PACRG: variants seen among roughly 807,000 people sequenced by gnomAD.
PACRG encodes parkin coregulated, also known as parkin coregulated gene protein.
In PACRG, 29 loss-of-function variants were observed where a neutral mutation model predicts 29.7. The observed-to-expected ratio is 0.98, with a 90% confidence interval of 0.73 to 1.33. The LOEUF (loss-of-function observed/expected upper bound fraction) is 1.33, where lower values mean the gene tolerates loss of function less well. Ranked by LOEUF, PACRG falls within the 40% of genes most tolerant of loss-of-function variation. The probability of loss-of-function intolerance (pLI) is 0.00; values close to 1 mark genes in which losing one functional copy is unlikely to be tolerated. For missense variants in PACRG, 279 were observed against 316.2 expected, an observed-to-expected ratio of 0.88 and a Z score of 0.89; for synonymous variants, 116 against 118.7, an observed-to-expected ratio of 0.98 and a Z score of 0.15.
chr6:162,927,321 T>C (rs1584775800), intron 2 of PACRG, among the ~76,000 whole-genome samples: 1 of 152,074 alleles, frequency 6.6e-6, no homozygotes, highest in East Asian at 1.9e-4. Flanking sequence ...CAAAGGAATA[T>C]AAATAATTAT....
intron 1 of PACRG, among the ~76,000 whole-genome samples, chr6:162,756,207 C>G (rs1179516037): frequency 6.6e-6 from 1 of 152,100 alleles, no homozygotes; most frequent in Non-Finnish European, 1.5e-5. Flanking sequence ...TATTGATATT[C>G]TGTTTAGATA....
intron 2 of PACRG, among the ~76,000 whole-genome samples, chr6:162,890,696 G>A (rs550008408): frequency 4.9e-4 from 75 of 152,330 alleles, no homozygotes; most frequent in African/African-American, 1.6e-3. Flanking sequence ...CATAGGAACA[G>A]CATGTGCCCC....
intron 3 of PACRG, among the ~76,000 whole-genome samples, chr6:163,079,497 A>T (rs1359084163): frequency 6.6e-6 from 1 of 152,140 alleles, no homozygotes. Flanking sequence ...GCCTTGCCAG[A>T]TGCTTTGCTG....
intron 2 of PACRG, among the ~76,000 whole-genome samples, chr6:162,854,191 TTTTG>T (rs1049568213): frequency 2.0e-5 from 3 of 150,956 alleles, no homozygotes; most frequent in African/African-American, 7.3e-5. Context: ...AATTGAATGA[TTTTG>T]TTTTATTCAT....
intron 2 of PACRG, among the ~76,000 whole-genome samples, chr6:162,932,814 A>G (rs1797947907): frequency 6.6e-6 from 1 of 151,818 alleles, no homozygotes; most frequent in Non-Finnish European, 1.5e-5. Context: ...GCTTATCTTT[A>G]AAAAACAGCC....
intron 2 of PACRG, among the ~76,000 whole-genome samples, chr6:163,032,511 G>C (rs974543659): frequency 1.3e-5 from 2 of 152,116 alleles, no homozygotes; most frequent in African/African-American, 2.4e-5. Flanking sequence ...TCAAAAACAC[G>C]ATTAACAAAG....
chr6:162,795,140 C>G (rs62431767), intron 1 of PACRG, among the ~76,000 whole-genome samples: 8,272 of 151,468 alleles, frequency 0.055, 291 homozygotes, highest in Admixed American at 0.1. Flanking sequence ...CAAGTTCCCT[C>G]CACTGGGAAT....
intron 4 of PACRG, among the ~76,000 whole-genome samples, chr6:163,208,764 C>G (rs941626811): frequency 1.3e-5 from 2 of 152,094 alleles, no homozygotes; most frequent in Non-Finnish European, 2.9e-5. Flanking sequence ...TGTAAATATC[C>G]ACCTCAAACT....
chr6:163,290,278 G>GCGCACACACACACA (rs1554242204), intron 4 of PACRG, among the ~76,000 whole-genome samples: 3 of 114,568 alleles, frequency 2.6e-5, no homozygotes, highest in Admixed American at 8.4e-5. Context: ...GCGCGCGCGC[G>GCGCACACACACACA]CACACACACA....
At chr6:162,775,941 GTAGATATAGGT>G (rs1254049930) in intron 1 of PACRG, among the ~76,000 whole-genome samples, 1 of 152,130 alleles carries the variant, frequency 6.6e-6, no homozygotes, top group Non-Finnish European at 1.5e-5. Context: ...AAGCTCAAAG[GTAGATATAGGT>G]TTTGTGGGGC....
chr6:162,894,871 T>G (rs1795046288), intron 2 of PACRG, among the ~76,000 whole-genome samples: 1 of 152,182 alleles, frequency 6.6e-6, no homozygotes, highest in African/African-American at 2.4e-5. Flanking sequence ...ATGATTCTTG[T>G]TGGCATATAT....
intron 2 of PACRG, among the ~76,000 whole-genome samples, chr6:162,929,815 G>C (rs1797717743): frequency 6.6e-6 from 1 of 151,914 alleles, no homozygotes; most frequent in Admixed American, 6.6e-5. Flanking sequence ...AGTTTTCCTA[G>C]TACCATGTAT....
At chr6:163,109,067 T>G (rs540140345) in intron 4 of PACRG, among the ~76,000 whole-genome samples, 2 of 152,346 alleles carry the variant, frequency 1.3e-5, no homozygotes, top group South Asian at 4.1e-4. Context: ...GATTGTTTTC[T>G]GCTCTTTTGC....
At chr6:162,784,702 T>C (rs751774073) in intron 1 of PACRG, among the ~76,000 whole-genome samples, 1 of 152,132 alleles carries the variant, frequency 6.6e-6, no homozygotes, top group Non-Finnish European at 1.5e-5. Flanking sequence ...ATTGATATTC[T>C]ATGAAATAAA....
chr6:163,009,266 A>G (rs1466436939), intron 2 of PACRG, among the ~76,000 whole-genome samples: 1 of 152,206 alleles, frequency 6.6e-6, no homozygotes, highest in East Asian at 1.9e-4. Flanking sequence ...ATGTGACCAT[A>G]AATAATGAGT....
chr6:163,156,474 C>A lies in PACRG; in HGVS notation c.613+67066C>A, dbSNP rs545424052. On this transcript the variant is annotated intron_variant, in intron 4 of 4. Coordinates refer to ENST00000366888, the MANE Select transcript of PACRG (RefSeq NM_001080379.2). ...CATATCTGAGCGGTCTCCCTACGACCGCCACGCCCCATGACTCCCTCCTCT... is the reference window on the plus strand; with the variant it reads ...CATATCTGAGCGGTCTCCCTACGACAGCCACGCCCCATGACTCCCTCCTCT... 5.9e-5 allele frequency among the ~76,000 whole-genome samples: 9 copies of A among 152,170 alleles called. No homozygotes were observed. In the South Asian group the frequency reaches 1.9e-3, roughly 32 times the overall value.
rs143125709 is a variant in PACRG at position 162,777,421 on chromosome 6, G to A, written c.157-36726G>A. On this transcript the variant is annotated intron_variant, in intron 1 of 4. Transcript: ENST00000366888. This position sits in a 1 kb window ranked among gnomAD's most constrained non-coding sequence, Gnocchi z 4.0. The stretch of plus-strand genomic sequence containing the variant: ...CTGCCATTTCCAACATTTTCATTCC[G>A]GATTTCAGAATTCCCATCACACCAT... Among the ~76,000 whole-genome samples the A allele has an allele frequency of 3.5e-3, 535 of 152,182 alleles. 3 individuals are homozygous for A. The highest frequency in any genetic ancestry group is 0.012 in the African/African-American group (499 of 41,492).
At chr6:163,030,526 C>A (rs1735072040) in intron 2 of PACRG, among the ~76,000 whole-genome samples, 1 of 152,078 alleles carries the variant, frequency 6.6e-6, no homozygotes, top group Non-Finnish European at 1.5e-5. Flanking sequence ...AAAGGGGTCC[C>A]CTTCCAGACC....
intron 2 of PACRG, among the ~76,000 whole-genome samples, chr6:162,900,621 C>T (rs1488170254): frequency 6.6e-6 from 1 of 152,144 alleles, no homozygotes; most frequent in South Asian, 2.1e-4. Context: ...TGAGGGCCCC[C>T]GAGCTGCCAC....
Sources: allele counts gnomAD v4.1 joint callset (sites outside exome capture counted in the v4.1 genomes callset), GRCh38; gene constraint gnomAD v4.1.1; non-coding constraint Gnocchi (gnomAD v3.1); transcripts MANE v1.5; gene names NCBI Gene and HGNC (gene_info 2026-07-23, HGNC 2026-07-21).